ARMH3: variants seen among roughly 807,000 people sequenced by gnomAD.
The protein encoded by ARMH3 is armadillo like helical domain containing 3, also known as armadillo-like helical domain-containing protein 3.
In ARMH3, 60 loss-of-function variants were observed where a neutral mutation model predicts 99.1. That is an observed-to-expected ratio of 0.61 (90% CI 0.49 to 0.75). ARMH3 has a LOEUF of 0.75. ARMH3 is among the 30% of genes least tolerant of loss of function. The pLI, the probability that ARMH3 is intolerant of heterozygous loss-of-function variation, is 0.00. For synonymous variants in ARMH3, 285 were observed against 292.8 expected, an observed-to-expected ratio of 0.97 and a Z score of 0.27; for missense variants, 679 against 843.1, an observed-to-expected ratio of 0.81 and a Z score of 2.41.
At position 102,040,108 on chromosome 10, in the gene ARMH3, G is replaced by A; in HGVS notation, c.7C>T (p.Gln3Ter). MA[Q>*]VEKRGGLLRK... ...AGCAAACCTCCACGTTTCTCTACCT[G>A]TGCCATGGTTAGAGAATCTGTGAAC... Residue 3 changes from glutamine (Q) to a stop codon, truncating the protein, a stop_gained, in exon 2 of 26, where the codon CAG (glutamine) becomes TAG (stop). Transcript: ENST00000370033. LOFTEE classifies it high-confidence loss of function. 4 of 1,613,790 alleles carry A rather than the reference G, an allele frequency of 2.5e-6. No individual in the cohort carries two copies. The highest frequency in any genetic ancestry group is 3.4e-6 in the Non-Finnish European group (4 of 1,179,672).
chr10:101,936,902 T>C (rs1844004139), intron 23 of ARMH3, among the ~76,000 whole-genome samples: 1 of 152,228 alleles, frequency 6.6e-6, no homozygotes, highest in East Asian at 1.9e-4. Flanking sequence ...CAGTATTTTA[T>C]AGTTCACTAG....
At chr10:101,904,497 AAAAG>A (rs992506009) in intron 23 of ARMH3, among the ~76,000 whole-genome samples, 1 of 152,200 alleles carries the variant, frequency 6.6e-6, no homozygotes, top group Non-Finnish European at 1.5e-5. Flanking sequence ...GTTACTTAAA[AAAAG>A]AAAGAAAAAC....
chr10:101,953,777 A>T (rs1054523519), intron 22 of ARMH3, among the ~76,000 whole-genome samples: 2 of 152,150 alleles, frequency 1.3e-5, no homozygotes, highest in Admixed American at 6.6e-5. Context: ...GCATTGCTGG[A>T]GAGAATGTAA....
chr10:101,958,779 C>A (rs1269718072), intron 20 of ARMH3, among the ~76,000 whole-genome samples: 1 of 152,130 alleles, frequency 6.6e-6, no homozygotes, highest in Non-Finnish European at 1.5e-5. Context: ...GTTTACTACT[C>A]TTAAAGTAGA....
intron 1 of ARMH3, among the ~76,000 whole-genome samples, chr10:102,041,233 T>TA (rs2067417715): frequency 6.6e-6 from 1 of 151,686 alleles, no homozygotes; most frequent in Non-Finnish European, 1.5e-5. Context: ...ATTTTTTTTT[T>TA]CAATTGAGAA....
chr10:101,847,738 T>A, intron 25 of ARMH3, 118 bp from the exon 26 acceptor site: 1 of 888,708 alleles, frequency 1.1e-6, no homozygotes. Context: ...GTCTCTCTCT[T>A]AGGAAATGAA....
chr10:101,984,281 T>G (rs997555094), intron 19 of ARMH3, among the ~76,000 whole-genome samples: 3 of 152,228 alleles, frequency 2.0e-5, no homozygotes, highest in Admixed American at 2.0e-4. Flanking sequence ...TTTTAGAAAT[T>G]GTGATGTGAT....
chr10:101,985,685 T>A (rs892929213), intron 19 of ARMH3, among the ~76,000 whole-genome samples: 14 of 151,732 alleles, frequency 9.2e-5, no homozygotes, highest in Non-Finnish European at 1.9e-4. Context: ...CTGCATTACA[T>A]CCTGGACGAC....
intron 1 of ARMH3, among the ~76,000 whole-genome samples, chr10:102,041,403 C>A (rs891864152): frequency 5.9e-5 from 9 of 151,914 alleles, no homozygotes; most frequent in African/African-American, 2.2e-4. Context: ...TAGGGAGAGG[C>A]CAGATTTTAC....
chr10:101,910,520 A>G (rs1187739339), intron 23 of ARMH3, among the ~76,000 whole-genome samples: 2 of 152,038 alleles, frequency 1.3e-5, no homozygotes, highest in African/African-American at 4.8e-5. Context: ...ACTTGAGGTC[A>G]GGAGTTCGAG....
chr10:102,051,254 T>C (rs888554557), intron 1 of ARMH3, among the ~76,000 whole-genome samples: 1 of 150,838 alleles, frequency 6.6e-6, no homozygotes, highest in African/African-American at 2.4e-5. Flanking sequence ...CGGCGGATCA[T>C]CTGAGGTCAA....
Position 102,027,062 on chromosome 10 carries a change from T to C in ARMH3, c.415-1814A>G, listed in dbSNP as rs1245572063. Among the ~76,000 whole-genome samples, 7 of 152,132 alleles carry C rather than the reference T, an allele frequency of 4.6e-5. No individual in the cohort carries two copies. In the South Asian group the frequency reaches 8.3e-4, roughly 18 times the overall value. On this transcript the variant is annotated intron_variant, in intron 5 of 25. Coordinates refer to ENST00000370033, the MANE Select transcript of ARMH3 (RefSeq NM_024541.3). ...GGGAGGCCAAGGCAGGCAGATCACC[T>C]GAGGTTAGGAGTTCGAGACCAGCCT...
intron 11 of ARMH3, 114 bp from the exon 12 acceptor site, chr10:102,010,137 T>C (rs1297061491): frequency 3.3e-6 from 3 of 921,982 alleles, no homozygotes; most frequent in African/African-American, 3.3e-5. Context: ...TGGGGAGAAC[T>C]TGGAACTCTA....
At chr10:101,890,224 T>A (rs1288184965) in intron 23 of ARMH3, among the ~76,000 whole-genome samples, 1 of 150,120 alleles carries the variant, frequency 6.7e-6, no homozygotes, top group Non-Finnish European at 1.5e-5. Context: ...AATCTCTTTT[T>A]TTCATATATA....
intron 15 of ARMH3, among the ~76,000 whole-genome samples, chr10:102,001,110 C>G (rs1476403109): frequency 6.6e-6 from 1 of 152,090 alleles, no homozygotes; most frequent in East Asian, 1.9e-4. Flanking sequence ...AGCCACCGTA[C>G]CCAGCCAGTG....
chr10:101,988,702 C>T (rs1846626202), intron 19 of ARMH3, among the ~76,000 whole-genome samples: 1 of 152,158 alleles, frequency 6.6e-6, no homozygotes, highest in African/African-American at 2.4e-5. Flanking sequence ...GCAGGCAGAT[C>T]ACCTAAGGTC....
At chr10:101,945,590 T>C (rs1453818540) in intron 22 of ARMH3, among the ~76,000 whole-genome samples, 1 of 151,712 alleles carries the variant, frequency 6.6e-6, no homozygotes, top group Admixed American at 6.6e-5. Context: ...TGGTGGTGCA[T>C]GCCTGTAATC....
intron 23 of ARMH3, among the ~76,000 whole-genome samples, chr10:101,928,472 G>A (rs1273005713): frequency 2.0e-5 from 3 of 152,124 alleles, no homozygotes; most frequent in Non-Finnish European, 2.9e-5. Flanking sequence ...GGCCACAATC[G>A]GCAGGCCCTA....
At chr10:102,025,027 A>G in intron 6 of ARMH3, 129 bp downstream of exon 6, 2 of 752,530 alleles carry the variant, frequency 2.7e-6, no homozygotes, top group Non-Finnish European at 2.2e-6. Flanking sequence ...ACATCCAGAC[A>G]CGAGGGAGTG....
Sources: gnomAD v4.1 joint callset for allele counts (sites outside exome capture counted in the v4.1 genomes callset) on GRCh38, gnomAD v4.1.1 for gene constraint, MANE v1.5 for transcripts, NCBI Gene and HGNC (gene_info 2026-07-23, HGNC 2026-07-21) for gene names.